Variants in ABLIM2 observed in about 807,000 individuals in gnomAD.
ABLIM2 encodes actin-binding LIM protein 2.
A neutral mutation model predicts 97.7 loss-of-function variants in ABLIM2; 53 were observed. That is an observed-to-expected ratio of 0.54 (90% CI 0.44 to 0.68). The LOEUF (loss-of-function observed/expected upper bound fraction) is 0.68, where lower values mean the gene tolerates loss of function less well. Among genes scored for constraint, ABLIM2 ranks in the 30% least tolerant of loss-of-function variants. The pLI is 0.00. For synonymous variants in ABLIM2, 361 were observed against 345.8 expected (o/e 1.04, Z -0.49); for missense variants, 835 against 867.2 (o/e 0.96, Z 0.47).
chr4:8,036,024 T>G, intron 10 of ABLIM2, 125 bp downstream of exon 10: 2 of 1,173,938 alleles, frequency 1.7e-6, no homozygotes, highest in Non-Finnish European at 1.2e-6. Flanking sequence ...AGGCTGAGCG[T>G]GTGGGTGAGT....
At chr4:8,028,332 G>T (rs1426772502) in intron 11 of ABLIM2, among the ~76,000 whole-genome samples, 1 of 152,240 alleles carries the variant, frequency 6.6e-6, no homozygotes, top group Non-Finnish European at 1.5e-5. Context: ...AGGGCCCTTA[G>T]GACGAGGAGC....
intron 6 of ABLIM2, among the ~76,000 whole-genome samples, chr4:8,076,322 C>T (rs536087897): frequency 3.9e-4 from 60 of 152,358 alleles, no homozygotes; most frequent in African/African-American, 1.3e-3. Flanking sequence ...CATTCCCCTC[C>T]GCATTCTGAA....
In ABLIM2 at chr4:8,104,953, C is replaced by T. The variant is rs373899338; in HGVS notation, c.154+1541G>A. ...CAGCACTGGAGACAGCACCTGCTCC[C>T]CTCCTGCTCCCACTCACACCCAGGA... On this transcript the variant is annotated intron_variant, in intron 2 of 20. Transcript: ENST00000447017. Among the ~76,000 whole-genome samples the T allele has an allele frequency of 2.9e-4, 44 of 152,302 alleles. No homozygotes were observed. The East Asian group carries it at 6.4e-3, about 22-fold the overall frequency.
chr4:8,121,321 C>A (rs930604557), intron 1 of ABLIM2, among the ~76,000 whole-genome samples: 1 of 152,238 alleles, frequency 6.6e-6, no homozygotes, highest in Non-Finnish European at 1.5e-5. Flanking sequence ...TGGCTGTGGG[C>A]TCCGGGCAGA....
Position 8,033,478 on chromosome 4 carries a change from A to G in ABLIM2, c.1047+2671T>C, listed in dbSNP as rs1359554883. On this transcript the variant is annotated intron_variant, in intron 10 of 20. Coordinates refer to ENST00000447017, the MANE Select transcript of ABLIM2 (RefSeq NM_001130083.2). This position sits in a 1 kb window ranked among gnomAD's most constrained non-coding sequence, Gnocchi z 4.5. ...AGAAACCCTCAGGCTGCTCCCGGCCATCGGCATAGAGGAAGCTCTGTATGG... is the reference window on the plus strand; with the variant it reads ...AGAAACCCTCAGGCTGCTCCCGGCCGTCGGCATAGAGGAAGCTCTGTATGG... Among the ~76,000 whole-genome samples, 1 of 152,234 alleles carries G rather than the reference A, an allele frequency of 6.6e-6. No homozygotes were observed. Among genetic ancestry groups the G allele is most frequent in the Non-Finnish European group, 1.5e-5 (1 of 68,040 alleles).
intron 16 of ABLIM2, among the ~76,000 whole-genome samples, chr4:8,000,954 A>C (rs1578306186): frequency 6.6e-6 from 1 of 152,306 alleles, no homozygotes; most frequent in East Asian, 1.9e-4. Flanking sequence ...TTATGGGCAG[A>C]GGACTGTGGC....
At position 8,097,220 on chromosome 4, in the gene ABLIM2, G is replaced by A; in HGVS notation, c.217C>T (p.Leu73=). 6.3e-7 allele frequency: 1 copy of A among 1,583,888 alleles called. No individual in the cohort carries two copies. Among genetic ancestry groups the A allele is most frequent in the Non-Finnish European group, 8.6e-7 (1 of 1,165,996 alleles). Residue 73 remains leucine (L), a synonymous_variant, in exon 3 of 21, where the codon CTG becomes TTG. Transcript: ENST00000447017. The part of the protein sequence containing the change: ...FVRQGEYICT[L]DYQRLYGTRC... Reference sequence around the variant, plus strand: ...GTGCCGTAGAGCCTCTGGTAGTCCAGCGTGCAGATGTACTCGCCCTGCCGC... The same window carrying A: ...GTGCCGTAGAGCCTCTGGTAGTCCAACGTGCAGATGTACTCGCCCTGCCGC...
At chr4:8,049,317 G>A (rs969400083) in intron 8 of ABLIM2, among the ~76,000 whole-genome samples, 1 of 152,242 alleles carries the variant, frequency 6.6e-6, no homozygotes, top group Admixed American at 6.5e-5. Flanking sequence ...TGGGGACAGG[G>A]CAGCTAGGAC....
intron 1 of ABLIM2, among the ~76,000 whole-genome samples, chr4:8,145,745 TAC>T (rs34195989): frequency 0.35 from 48,234 of 137,792 alleles, 9,135 homozygotes; most frequent in Non-Finnish European, 0.43. Flanking sequence ...TACACACTCA[TAC>T]ACACACACAC....
At chr4:7,989,782 A>C (rs1218355585) in intron 17 of ABLIM2, among the ~76,000 whole-genome samples, 1 of 152,126 alleles carries the variant, frequency 6.6e-6, no homozygotes, top group Non-Finnish European at 1.5e-5. Flanking sequence ...GCTTTTTCAG[A>C]ATGGGACTTC....
intron 1 of ABLIM2, among the ~76,000 whole-genome samples, chr4:8,137,859 T>G (rs2152940291): frequency 6.6e-6 from 1 of 152,338 alleles, no homozygotes; most frequent in East Asian, 1.9e-4. Flanking sequence ...AGGAGATACC[T>G]ACACACCCAC....
intron 8 of ABLIM2, among the ~76,000 whole-genome samples, chr4:8,052,650 C>A (rs1017014365): frequency 1.3e-5 from 2 of 152,210 alleles, no homozygotes; most frequent in African/African-American, 4.8e-5. Flanking sequence ...GTGCAGGCCT[C>A]CAGCCCTGCC....
At chr4:8,091,070 G>C (rs1827058957) in intron 3 of ABLIM2, among the ~76,000 whole-genome samples, 2 of 150,638 alleles carry the variant, frequency 1.3e-5, no homozygotes, top group South Asian at 4.2e-4. Context: ...CATGGCCGTT[G>C]TGCCATTCTG....
Position 8,069,681 on chromosome 4 carries a change from T to G in ABLIM2, c.675+7947A>C, listed in dbSNP as rs951192708. 3.9e-5 allele frequency among the ~76,000 whole-genome samples: 6 copies of G among 152,068 alleles called. No homozygotes were observed. The highest frequency in any genetic ancestry group is 5.9e-5 in the Non-Finnish European group (4 of 68,008). On this transcript the variant is annotated intron_variant, in intron 6 of 20. Transcript: ENST00000447017. This position sits in a 1 kb window ranked among gnomAD's most constrained non-coding sequence, Gnocchi z 4.2. The stretch of plus-strand genomic sequence containing the variant: ...CTGTGTGCATTTCTGTGTGTCTCTG[T>G]GTGTGTTTGTGTGTTGTCTGTGTGT...
rs1332695266 is a variant in ABLIM2, at chr4:8,023,075, C to A, written c.1268-2772G>T. 2 of 152,662 alleles carry A rather than the reference C, an allele frequency of 1.3e-5. No individual in the cohort carries two copies. The highest frequency in any genetic ancestry group is 1.5e-5 in the Non-Finnish European group (1 of 68,296). The allele number at this position is 152,662 out of a possible 1,614,324, so 9.5% of individuals were successfully genotyped here. ...TTCTCTACTTTTTCCTCTTCCTCCT[C>A]CCCCTCCTCTCCTCTTCCATTTTTA... is the stretch of plus-strand genomic sequence containing the variant. On this transcript the variant is annotated intron_variant, in intron 12 of 20. Coordinates refer to ENST00000447017, the MANE Select transcript of ABLIM2 (RefSeq NM_001130083.2). This position sits in a 1 kb window ranked among gnomAD's most constrained non-coding sequence, Gnocchi z 5.7.
chr4:8,151,256 G>A (rs1231468614), intron 1 of ABLIM2, among the ~76,000 whole-genome samples: 2 of 152,196 alleles, frequency 1.3e-5, no homozygotes, highest in African/African-American at 4.8e-5. Context: ...GTGACATGAA[G>A]CCACCCAGCT....
In ABLIM2 at chr4:8,112,727, C is replaced by G. The variant is rs1561496311; in HGVS notation, c.11-6090G>C. Among the ~76,000 whole-genome samples the G allele has an allele frequency of 6.6e-6, 1 of 152,158 alleles. No individual in the cohort carries two copies. Among genetic ancestry groups the G allele is most frequent in the Non-Finnish European group, 1.5e-5 (1 of 68,028 alleles). On this transcript the variant is annotated intron_variant, in intron 1 of 20. Coordinates refer to ENST00000447017, the MANE Select transcript of ABLIM2 (RefSeq NM_001130083.2). The surrounding 1 kb of genome is among the most constrained non-coding windows in gnomAD (Gnocchi z 4.2). The stretch of plus-strand genomic sequence containing the variant: ...TCGACATTCTCTTGTTTGTTCCATA[C>G]CATGCCCCACAGGAATGGTCAGTCA...
intron 16 of ABLIM2, among the ~76,000 whole-genome samples, chr4:8,000,543 T>C (rs1313014651): frequency 2.0e-5 from 3 of 152,118 alleles, no homozygotes; most frequent in Admixed American, 6.5e-5. Flanking sequence ...GGGATTGAAT[T>C]GTGGGTGGAG....
At chr4:8,139,939 C>T (rs1009609746) in intron 1 of ABLIM2, among the ~76,000 whole-genome samples, 4 of 152,090 alleles carry the variant, frequency 2.6e-5, no homozygotes, top group East Asian at 1.9e-4. Flanking sequence ...GGAAAGAGAT[C>T]GTGTCCTTTG....
Sources: allele counts gnomAD v4.1 joint callset (sites outside exome capture counted in the v4.1 genomes callset), GRCh38; gene constraint gnomAD v4.1.1; non-coding constraint Gnocchi (gnomAD v3.1); transcripts MANE v1.5; gene names NCBI Gene and HGNC (gene_info 2026-07-23, HGNC 2026-07-21).